BLTP3A: variants seen among roughly 807,000 people sequenced by gnomAD.
BLTP3A encodes ICBP90 binding protein 1.
the BLTP3A span, among the ~76,000 whole-genome samples, chr6:34,843,906 A>AT: frequency 6.9e-5 from 8 of 116,614 alleles, no homozygotes; most frequent in South Asian, 1.9e-3. Context: ...GCCACCATTC[A>AT]TTTTTGGTGT....
the BLTP3A span, among the ~76,000 whole-genome samples, chr6:34,817,818 G>C: frequency 6.6e-6 from 1 of 151,252 alleles, no homozygotes; most frequent in Non-Finnish European, 1.5e-5. Context: ...TTAGGACCAT[G>C]CATTCTTGAA....
chr6:34,817,668 A>G, the BLTP3A span, among the ~76,000 whole-genome samples: 1 of 152,142 alleles, frequency 6.6e-6, no homozygotes, highest in East Asian at 1.9e-4. Flanking sequence ...TAGGAATAGA[A>G]CACTGAGCTT....
At chr6:34,816,077 A>C in the BLTP3A span, among the ~76,000 whole-genome samples, 18 of 152,170 alleles carry the variant, frequency 1.2e-4, no homozygotes, top group African/African-American at 1.7e-4. Context: ...TTTTTTTGTT[A>C]AGGCTTGAAA....
the BLTP3A span, chr6:34,855,531 C>CGTTA: frequency 6.7e-7 from 1 of 1,495,836 alleles, no homozygotes; most frequent in African/African-American, 1.4e-5. Context: ...TGAAGCTGGT[C>CGTTA]GTTAAGAGGA....
chr6:34,856,868 C>A, the BLTP3A span: 3 of 1,614,206 alleles, frequency 1.9e-6, no homozygotes, highest in Non-Finnish European at 1.7e-6. Flanking sequence ...CAGCCTCCAG[C>A]ATGGAACCGC....
the BLTP3A span, chr6:34,836,219 A>C: frequency 6.2e-6 from 10 of 1,614,016 alleles, no homozygotes; most frequent in Non-Finnish European, 8.5e-6. Flanking sequence ...CAGCCAGGGC[A>C]ACAGCAACAG....
chr6:34,871,804 A>G, the BLTP3A span: 6 of 1,613,422 alleles, frequency 3.7e-6, no homozygotes, highest in East Asian at 1.1e-4. Flanking sequence ...TAGAACCTTT[A>G]CTTGTTTTCT....
chr6:34,823,415 A>G, the BLTP3A span: 2 of 1,395,700 alleles, frequency 1.4e-6, no homozygotes, highest in Non-Finnish European at 2.0e-6. Context: ...TAGTTAAAAA[A>G]TAAAAACTTT....
At chr6:34,860,473 A>G in the BLTP3A span, among the ~76,000 whole-genome samples, 3 of 152,194 alleles carry the variant, frequency 2.0e-5, no homozygotes, top group African/African-American at 4.8e-5. Flanking sequence ...GTGGGTCTCT[A>G]ATGCCTGTGG....
the BLTP3A span, among the ~76,000 whole-genome samples, chr6:34,861,380 C>A: frequency 2.0e-5 from 3 of 152,204 alleles, no homozygotes. Context: ...CCCACCTCAG[C>A]CTCCCAAAAT....
At chr6:34,812,497 G>T in the BLTP3A span, among the ~76,000 whole-genome samples, 9 of 152,040 alleles carry the variant, frequency 5.9e-5, no homozygotes, top group Non-Finnish European at 1.0e-4. Flanking sequence ...TAGAGATAAG[G>T]TCTCACTCTG....
chr6:34,865,940 G>C, the BLTP3A span, among the ~76,000 whole-genome samples: 1 of 152,234 alleles, frequency 6.6e-6, no homozygotes, highest in Non-Finnish European at 1.5e-5. Flanking sequence ...GCCCGGGGCA[G>C]TGGCTCACGC....
chr6:34,808,849 T>C, the BLTP3A span, among the ~76,000 whole-genome samples: 67,446 of 152,008 alleles, frequency 0.44, 16,937 homozygotes, highest in African/African-American at 0.69. Flanking sequence ...AGTGTTAGGA[T>C]TACAGGTGTA....
chr6:34,856,914 C>T, the BLTP3A span: 1 of 1,613,564 alleles, frequency 6.2e-7, no homozygotes, highest in African/African-American at 1.3e-5. Flanking sequence ...GGGTGGATGA[C>T]CTGGACATCC....
chr6:34,835,378 G>A, the BLTP3A span: 2 of 1,614,140 alleles, frequency 1.2e-6, no homozygotes, highest in South Asian at 2.2e-5. Context: ...ACAGCTCAAG[G>A]CTATGATGAA....
the BLTP3A span, chr6:34,857,759 C>G: frequency 6.2e-7 from 1 of 1,614,150 alleles, no homozygotes; most frequent in Non-Finnish European, 8.5e-7. Flanking sequence ...GTTAAATGGT[C>G]TGACATTTAC....
chr6:34,807,959 T>G, the BLTP3A span, among the ~76,000 whole-genome samples: 1 of 152,044 alleles, frequency 6.6e-6, no homozygotes, highest in Non-Finnish European at 1.5e-5. Context: ...GAGAATCGCT[T>G]GAACCGGGAG....
the BLTP3A span, among the ~76,000 whole-genome samples, chr6:34,848,858 T>C: frequency 6.6e-6 from 1 of 151,962 alleles, no homozygotes; most frequent in East Asian, 1.9e-4. Context: ...GTCATTTAAT[T>C]TGGTTTCTGG....
chr6:34,856,756 A>G, the BLTP3A span: 3 of 1,606,080 alleles, frequency 1.9e-6, no homozygotes, highest in Non-Finnish European at 2.6e-6. Flanking sequence ...AGTTGAATGT[A>G]TCTGATTCTT....
Sources: gnomAD v4.1 joint callset for allele counts (sites outside exome capture counted in the v4.1 genomes callset) on GRCh38, gnomAD v4.1.1 for gene constraint, MANE v1.5 for transcripts, NCBI Gene and HGNC (gene_info 2026-07-23, HGNC 2026-07-21) for gene names.